CDC20: variants seen among roughly 807,000 people sequenced by gnomAD.
The protein encoded by CDC20 is cell division cycle protein 20 homolog.
In CDC20, 34 loss-of-function variants were observed where a neutral mutation model predicts 60.0. The observed-to-expected ratio is 0.57, with a 90% CI of 0.43 to 0.75. CDC20 has a LOEUF of 0.75. Ranked by LOEUF, CDC20 falls within the 30% of genes least tolerant of loss-of-function variation. The probability of loss-of-function intolerance (pLI) is 0.00; values close to 1 mark genes in which losing one functional copy is unlikely to be tolerated. For synonymous variants in CDC20, 198 were observed against 243.5 expected (o/e 0.81, Z 1.74); for missense variants, 469 against 647.3 (o/e 0.72, Z 2.99).
At chr1:43,359,123 G>T in intron 1 of CDC20, 44 bp from the exon 2 acceptor site, 1 of 1,331,280 alleles carries the variant, frequency 7.5e-7, no homozygotes, top group South Asian at 1.2e-5. Context: ...GGAGCGAAGG[G>T]GTCCCTTTCT....
At chr1:43,362,391 G>A in intron 10 of CDC20, 79 bp downstream of exon 10, 4 of 681,114 alleles carry the variant, frequency 5.9e-6, no homozygotes, top group African/African-American at 1.8e-5. Flanking sequence ...CAAATCCAGA[G>A]AAAAAACACA....
chr1:43,360,200 C>T lies in CDC20; in HGVS notation c.564C>T (p.Asn188=), dbSNP rs752794876. The part of the protein sequence containing the change: ...APEIRNDYYL[N]LVDWSSGNVL... ...TCTCTCCACCTCTGACAGACCTGAA[C>T]CTTGTGGATTGGAGTTCTGGGAATG... Residue 188 remains asparagine, a synonymous_variant, in exon 6 of 11, where the codon AAC becomes AAT. Transcript: ENST00000310955. 6.2e-7 allele frequency: 1 copy of T among 1,614,136 alleles called. No homozygotes were observed. The highest frequency in any genetic ancestry group is 8.5e-7 in the Non-Finnish European group (1 of 1,179,996).
chr1:43,361,954 T>C (rs1384162789), intron 9 of CDC20, among the ~76,000 whole-genome samples: 2 of 152,238 alleles, frequency 1.3e-5, no homozygotes, highest in Non-Finnish European at 2.9e-5. Flanking sequence ...TGATTCCTCA[T>C]CTATCCAATG....
chr1:43,360,361 C>T lies in CDC20; in HGVS notation c.725C>T (p.Ala242Val). 3.7e-6 allele frequency: 6 copies of T among 1,614,186 alleles called. No individual in the cohort carries two copies. The highest frequency in any genetic ancestry group is 5.1e-6 in the Non-Finnish European group (6 of 1,180,016). Residue 242 changes from alanine to valine, a missense_variant, in exon 6 of 11, where the codon GCT (alanine) becomes GTT (valine). By Grantham distance (64) the Ala-to-Val change is moderately conservative. Transcript: ENST00000310955. ...TGGATCAAAGAGGGCAACTACTTGGCTGTGGGCACCAGCAGTGCTGAGGTG... is the reference window on the plus strand; with the variant it reads ...TGGATCAAAGAGGGCAACTACTTGGTTGTGGGCACCAGCAGTGCTGAGGTG... ...VAWIKEGNYL[A>V]VGTSSAEVQL...
intron 9 of CDC20, among the ~76,000 whole-genome samples, chr1:43,361,749 G>A (rs1328028552): frequency 6.6e-6 from 1 of 152,150 alleles, no homozygotes; most frequent in East Asian, 1.9e-4. Flanking sequence ...AACCTGTGAT[G>A]GCTTCCCATC....
rs1310581648 is a variant in CDC20 at position 43,359,609 on chromosome 1, C to G, written c.301C>G (p.Pro101Ala). 3 of 1,613,804 alleles carry G rather than the reference C, an allele frequency of 1.9e-6. No homozygotes were observed. The highest frequency in any genetic ancestry group is 1.6e-4 in the Middle Eastern group (1 of 6,062). ...CTTCCTCCTGAGCAAGGAGAACCAG[C>G]CTGAAAACAGCCAGACGCCCACCAA... Reference protein sequence around the residue: ...ASFLLSKENQPENSQTPTKKE... With the variant: ...ASFLLSKENQAENSQTPTKKE... The change falls in exon 3 of 11, where the codon CCT (proline) becomes GCT (alanine). Residue 101 changes from proline (P) to alanine (A), a missense_variant. By Grantham distance (27) the Pro-to-Ala change is conservative. Coordinates refer to ENST00000310955, the MANE Select transcript of CDC20 (RefSeq NM_001255.3).
chr1:43,363,090 T>G lies in CDC20; in HGVS notation c.1461T>G (p.Ser487Arg), dbSNP rs374615123. ...GGCGGCGGGAGCGGGAGAAGGCCAG[T>G]GCAGCCAAAAGCAGCCTCATCCACC... ...PARRREREKASAAKSSLIHQG... is the reference protein window; with the variant it reads ...PARRREREKARAAKSSLIHQG... The change falls in exon 11 of 11, where the codon AGT becomes AGG. Residue 487 changes from serine to arginine, a missense_variant. Around this residue, in one of 5 missense-constraint regions of CDC20, gnomAD observed 72 missense variants for 77.9 expected, o/e 0.92. Coordinates refer to ENST00000310955, the MANE Select transcript of CDC20 (RefSeq NM_001255.3). 2 of 1,613,218 alleles carry G rather than the reference T, an allele frequency of 1.2e-6. No homozygotes were observed. Among genetic ancestry groups the G allele is most frequent in the African/African-American group, 2.7e-5 (2 of 74,848 alleles).
At position 43,360,025 on chromosome 1, in the gene CDC20, C is replaced by T. The variant is rs781443151; in HGVS notation, c.484C>T (p.Arg162Trp). The change falls in exon 5 of 11, where the codon CGG becomes TGG. Residue 162 changes from arginine to tryptophan, a missense_variant. Physicochemically the swap from Arg to Trp is moderately radical, Grantham distance 101. Around this residue, in one of 5 missense-constraint regions of CDC20, gnomAD observed 255 missense variants for 326.7 expected, o/e 0.78. Coordinates refer to ENST00000310955, the MANE Select transcript of CDC20 (RefSeq NM_001255.3). ...YSQKATPGSSRKTCRYIPSLP... is the reference protein window; with the variant it reads ...YSQKATPGSSWKTCRYIPSLP... ...CCAAAAGGCCACTCCTGGCTCCAGC[C>T]GGAAGACCTGCCGTTACATTCCTTC... 8 of 1,614,134 alleles carry T rather than the reference C, an allele frequency of 5.0e-6. No homozygotes were observed. The highest frequency in any genetic ancestry group is 4.4e-5 in the South Asian group (4 of 91,074).
Position 43,361,190 on chromosome 1 carries a change from G to C in CDC20, c.1148G>C (p.Arg383Pro). 1 of 1,613,114 alleles carries C rather than the reference G, an allele frequency of 6.2e-7. No homozygotes were observed. Among genetic ancestry groups the C allele is most frequent in the Non-Finnish European group, 8.5e-7 (1 of 1,179,286 alleles). ...GGGGGCACCAGTGATCGACACATTC[G>C]CATCTGGAATGTGTGCTCTGGGGCC... ...TGGGTSDRHI[R>P]IWNVCSGACL... The change falls in exon 9 of 11, where the codon CGC becomes CCC. Residue 383 changes from arginine (R) to proline (P), a missense_variant. Coordinates refer to ENST00000310955, the MANE Select transcript of CDC20 (RefSeq NM_001255.3).
At chr1:43,362,822 G>A (rs935394299) in intron 10 of CDC20, 129 bp from the exon 11 acceptor site, 9 of 674,960 alleles carry the variant, frequency 1.3e-5, no homozygotes, top group Middle Eastern at 2.6e-4. Flanking sequence ...CCAAGATTGC[G>A]CCACTGCACT....
At chr1:43,360,167 C>A (rs766753321) in intron 5 of CDC20, 26 bp from the exon 6 acceptor site, 1 of 1,613,880 alleles carries the variant, frequency 6.2e-7, no homozygotes, top group South Asian at 1.1e-5. Context: ...CAAGGAAGCT[C>A]ATGCTCTTCT....
intron 10 of CDC20, 82 bp from the exon 11 acceptor site, chr1:43,362,869 A>G: frequency 2.8e-6 from 3 of 1,090,632 alleles, no homozygotes; most frequent in Non-Finnish European, 2.6e-6. Flanking sequence ...AAAAAAAACA[A>G]AAAGGTAGGT....
At position 43,359,139 on chromosome 1, in the gene CDC20, C is replaced by T. The variant is rs569249648; in HGVS notation, c.-49-28C>T. 2.5e-5 allele frequency: 38 copies of T among 1,496,420 alleles called. No homozygotes were observed. The East Asian group carries it at 7.0e-4, about 28-fold the overall frequency. 92.7% of individuals were successfully genotyped at this position (1,496,420 alleles called of 1,614,324 possible). ...GAGCGAAGGGGTCCCTTTCTGTCCC[C>T]TGAGCACCGTCGCCTCCTTTCCTCC... On this transcript the variant is annotated intron_variant, in intron 1 of 10. Coordinates refer to ENST00000310955, the MANE Select transcript of CDC20 (RefSeq NM_001255.3).
In CDC20 at chr1:43,362,820, G is replaced by A. The variant is rs545559376; in HGVS notation, c.1322-131G>A. On this transcript the variant is annotated intron_variant, in intron 10 of 10. Transcript: ENST00000310955. ...GCGGAGCTTGCAGTGAGCCAAGATT[G>A]CGCCACTGCACTCCAGCCTGGGTGA... 3.9e-4 allele frequency: 259 copies of A among 668,880 alleles called. 3 individuals are homozygous for A. In the East Asian group the frequency reaches 7.2e-3, roughly 18 times the overall value. 41.4% of individuals were successfully genotyped at this position (668,880 alleles called of 1,614,324 possible). A position where few individuals can be genotyped will look rare whatever the true frequency, so the allele number is the denominator to read the frequency against.
rs752953958 is a variant in CDC20, at chr1:43,362,317, G to A, written c.1321+5G>A. On this transcript the variant is annotated splice_donor_5th_base_variant and intron_variant, in intron 10 of 10. Coordinates refer to ENST00000310955, the MANE Select transcript of CDC20 (RefSeq NM_001255.3). ...CCAAGGTGGCTGAACTCAAAGGTAA[G>A]TGGCTAGGTGAAAAGCCGGACATAA... The A allele has an allele frequency of 2.4e-6, 3 of 1,253,680 alleles. No homozygotes were observed. The highest frequency in any genetic ancestry group is 3.5e-6 in the Non-Finnish European group (3 of 851,022). 77.7% of individuals were successfully genotyped at this position (1,253,680 alleles called of 1,614,324 possible).
At chr1:43,362,381 C>A in intron 10 of CDC20, 69 bp downstream of exon 10, 2 of 713,826 alleles carry the variant, frequency 2.8e-6, no homozygotes, top group Non-Finnish European at 2.6e-6. Context: ...CCAGAATAAG[C>A]AAATCCAGAG....
chr1:43,359,353 CA>C lies in CDC20; in HGVS notation c.140del (p.Asn47ThrfsTer49). 1 of 1,613,132 alleles carries C rather than the reference CA, an allele frequency of 6.2e-7. No individual in the cohort carries two copies. Among genetic ancestry groups the C allele is most frequent in the South Asian group, 1.1e-5 (1 of 91,014 alleles). ...CGGCCCCCTCACCCATGCGGGCCGC[CA>C]ACCGATCCCACAGCGCCGGCAGGAC... ...GPAPSPMRAA[N>X]RSHSAGRTPG... On this transcript the variant is annotated frameshift_variant, in exon 2 of 11. Coordinates refer to ENST00000310955, the MANE Select transcript of CDC20 (RefSeq NM_001255.3). LOFTEE classifies it high-confidence loss of function.
Position 43,359,393 on chromosome 1 carries a change from C to T in CDC20, c.178C>T (p.Pro60Ser), listed in dbSNP as rs1484301576. 1.9e-6 allele frequency: 3 copies of T among 1,612,982 alleles called. No homozygotes were observed. Among genetic ancestry groups the T allele is most frequent in the Admixed American group, 3.3e-5 (2 of 59,958 alleles). The change falls in exon 2 of 11, where the codon CCT (proline) becomes TCT (serine). Residue 60 changes from proline to serine, a missense_variant. This residue lies in a region of CDC20 where 115 missense variants were observed against 156.1 expected (regional missense o/e 0.74). Transcript: ENST00000310955. ...CGCCGGCAGGACTCCGGGCCGAACT[C>T]CTGGTCAGTGAGGTGCCAAAGGAAC... ...HSAGRTPGRT[P>S]GKSSSKVQTT...
In CDC20 at chr1:43,362,350, C is replaced by T. The variant is rs771685450; in HGVS notation, c.1321+38C>T. On this transcript the variant is annotated intron_variant, in intron 10 of 10. Coordinates refer to ENST00000310955, the MANE Select transcript of CDC20 (RefSeq NM_001255.3). ...GTGAAAAGCCGGACATAAAAGGCCA[C>T]ATAATGTATGACTGAAATGTCCAGA... The T allele has an allele frequency of 1.1e-5, 10 of 870,896 alleles. No individual in the cohort carries two copies. In the African/African-American group the frequency reaches 1.6e-4, roughly 14 times the overall value. 53.9% of individuals were successfully genotyped at this position (870,896 alleles called of 1,614,324 possible).
Sources: allele counts gnomAD v4.1 joint callset (sites outside exome capture counted in the v4.1 genomes callset), GRCh38; gene constraint gnomAD v4.1.1; regional missense constraint gnomAD v4.1.1; transcripts MANE v1.5; gene names NCBI Gene and HGNC (gene_info 2026-07-23, HGNC 2026-07-21).